The following ARHGEF3 variants were observed in gnomAD, a reference collection of about 807,000 sequenced individuals.
ARHGEF3 encodes Rho guanine nucleotide exchange factor 3, also known as 59.8 kDA protein.
In ARHGEF3, 28 loss-of-function variants were observed where a neutral mutation model predicts 63.2. The ratio of observed to expected loss-of-function variants is 0.44; its 90% CI spans 0.33 to 0.61. ARHGEF3 has a LOEUF of 0.61. ARHGEF3 is among the 20% of genes least tolerant of loss of function. The probability of loss-of-function intolerance (pLI) is 0.03; values close to 1 mark genes in which losing one functional copy is unlikely to be tolerated. For missense variants in ARHGEF3, 533 were observed against 659.3 expected (o/e 0.81, Z 2.10); for synonymous variants, 266 against 254.2 (o/e 1.05, Z -0.44).
At chr3:56,886,453 C>G (rs536656647) in intron 3 of ARHGEF3, among the ~76,000 whole-genome samples, 1 of 152,356 alleles carries the variant, frequency 6.6e-6, no homozygotes, top group South Asian at 2.1e-4. Context: ...ACATTTCACG[C>G]TCTACCCAGG....
chr3:56,793,546 G>T (rs1252674962), intron 1 of ARHGEF3, among the ~76,000 whole-genome samples: 1 of 152,028 alleles, frequency 6.6e-6, no homozygotes, highest in Non-Finnish European at 1.5e-5. Flanking sequence ...CAGGTGATCC[G>T]CCCGCCTCGG....
chr3:56,901,920 A>G (rs189544819), intron 3 of ARHGEF3, among the ~76,000 whole-genome samples: 4 of 152,318 alleles, frequency 2.6e-5, no homozygotes, highest in East Asian at 3.9e-4. Flanking sequence ...CAATGACACC[A>G]TAACTCAAGC....
At chr3:56,996,555 T>C (rs1309634863) in intron 2 of ARHGEF3, among the ~76,000 whole-genome samples, 1 of 152,200 alleles carries the variant, frequency 6.6e-6, no homozygotes, top group Non-Finnish European at 1.5e-5. Context: ...AGGCACCATC[T>C]ATGAACGAGG....
chr3:56,791,689 G>T (rs753912318), intron 1 of ARHGEF3, among the ~76,000 whole-genome samples: 39 of 152,150 alleles, frequency 2.6e-4, no homozygotes, highest in African/African-American at 8.9e-4. Flanking sequence ...ATTGTGGCAC[G>T]CCAAGAGGTC....
At chr3:57,056,275 T>C (rs1312567688) in intron 1 of ARHGEF3, among the ~76,000 whole-genome samples, 1 of 151,010 alleles carries the variant, frequency 6.6e-6, no homozygotes, top group Non-Finnish European at 1.5e-5. Flanking sequence ...TAATTCCAGC[T>C]ACTCGGGAGG....
intron 4 of ARHGEF3, among the ~76,000 whole-genome samples, chr3:56,861,349 G>A (rs979212872): frequency 1.3e-5 from 2 of 152,150 alleles, no homozygotes; most frequent in Non-Finnish European, 2.9e-5. Flanking sequence ...TGTCTAGAAA[G>A]CTTGGGGCTG....
intron 2 of ARHGEF3, among the ~76,000 whole-genome samples, chr3:56,959,156 G>A (rs1159101466): frequency 6.6e-6 from 1 of 152,094 alleles, no homozygotes; most frequent in Non-Finnish European, 1.5e-5. Context: ...CAACCTGGAT[G>A]CAATAAAAAA....
chr3:56,772,814 A>G (rs1295452239), intron 2 of ARHGEF3, among the ~76,000 whole-genome samples: 4 of 152,242 alleles, frequency 2.6e-5, no homozygotes, highest in Non-Finnish European at 4.4e-5. Flanking sequence ...AATCTTTACA[A>G]TGATTCCATG....
chr3:56,881,633 A>T (rs531029279), intron 4 of ARHGEF3, among the ~76,000 whole-genome samples: 3 of 152,198 alleles, frequency 2.0e-5, no homozygotes, highest in African/African-American at 7.2e-5. Flanking sequence ...TCTTCTACAA[A>T]CTTCTGATTT....
chr3:57,051,659 C>G (rs1000634018), intron 1 of ARHGEF3, among the ~76,000 whole-genome samples: 12 of 152,122 alleles, frequency 7.9e-5, no homozygotes, highest in Admixed American at 2.0e-4. Context: ...GGCACTGATG[C>G]ACTTCATTTT....
intron 2 of ARHGEF3, among the ~76,000 whole-genome samples, chr3:56,992,024 CTGTG>C (rs58860849): frequency 0.031 from 4,024 of 131,418 alleles, 144 homozygotes; most frequent in African/African-American, 0.077. Context: ...CCTCCTCTCT[CTGTG>C]TGTGTGTGTG....
intron 3 of ARHGEF3, chr3:56,916,308 C>T (rs1490018525): frequency 6.5e-7 from 1 of 1,535,334 alleles, no homozygotes; most frequent in Admixed American, 2.0e-5. Context: ...AGGGGGCTTA[C>T]CTGCGAACGG....
intron 1 of ARHGEF3, among the ~76,000 whole-genome samples, chr3:57,065,849 C>T (rs906612281): frequency 9.2e-5 from 14 of 152,138 alleles, no homozygotes; most frequent in Admixed American, 2.6e-4. Context: ...ATCTACGGAG[C>T]ATGCACCAAT....
intron 4 of ARHGEF3, among the ~76,000 whole-genome samples, chr3:56,848,430 TG>T (rs1365324023): frequency 6.6e-6 from 1 of 152,200 alleles, no homozygotes; most frequent in African/African-American, 2.4e-5. Context: ...AACTGTACAA[TG>T]GCTATAATAC....
At chr3:57,026,018 C>T (rs968421038) in intron 2 of ARHGEF3, among the ~76,000 whole-genome samples, 2 of 152,168 alleles carry the variant, frequency 1.3e-5, no homozygotes, top group African/African-American at 2.4e-5. Flanking sequence ...CCCATTCACA[C>T]CCTAGCAGAA....
intron 3 of ARHGEF3, among the ~76,000 whole-genome samples, chr3:56,952,403 G>A (rs574535984): frequency 6.6e-6 from 1 of 152,284 alleles, no homozygotes; most frequent in South Asian, 2.1e-4. Flanking sequence ...CTCTAGCCCT[G>A]ACTGACAGCT....
At chr3:56,810,347 C>T (rs1021056491) in intron 4 of ARHGEF3, among the ~76,000 whole-genome samples, 1 of 152,008 alleles carries the variant, frequency 6.6e-6, no homozygotes, top group Non-Finnish European at 1.5e-5. Context: ...AGTTGGAGAC[C>T]AGCCTGGGCA....
intron 8 of ARHGEF3, 111 bp from the exon 9 acceptor site, chr3:56,732,535 T>C (rs1323484111): frequency 3.1e-6 from 4 of 1,271,020 alleles, no homozygotes; most frequent in Non-Finnish European, 4.5e-6. Context: ...CACTGGATTA[T>C]GAACTCCTAG....
rs1175725532 is a variant in ARHGEF3 at position 56,751,340 on chromosome 3, T to C, written c.495A>G (p.Gln165=). Reference sequence around the variant, plus strand: ...TTAGAGAGTCCAGTGTTCCAAAAATTTGATTCAACTCTTGTTCTGTCATTA... The same window carrying C: ...TTAGAGAGTCCAGTGTTCCAAAAATCTGATTCAACTCTTGTTCTGTCATTA... ...LSIMTEQELN[Q]IFGTLDSLIP... The change falls in exon 5 of 10, where the codon CAA becomes CAG. Residue 165 remains glutamine, a synonymous_variant. Transcript: ENST00000296315. 1 of 1,614,126 alleles carries C rather than the reference T, an allele frequency of 6.2e-7. No individual in the cohort carries two copies. Among genetic ancestry groups the C allele is most frequent in the South Asian group, 1.1e-5 (1 of 91,082 alleles).
Sources: gnomAD v4.1 joint callset for allele counts (sites outside exome capture counted in the v4.1 genomes callset) on GRCh38, gnomAD v4.1.1 for gene constraint, MANE v1.5 for transcripts, NCBI Gene and HGNC (gene_info 2026-07-23, HGNC 2026-07-21) for gene names.